The following DOCK9 variants were observed in gnomAD, a reference collection of about 807,000 sequenced individuals.
DOCK9 encodes dedicator of cytokinesis protein 9.
Under a neutral mutation model 263.3 loss-of-function variants are expected in DOCK9, and 89 were observed. The ratio of observed to expected loss-of-function variants is 0.34; its 90% CI spans 0.28 to 0.40. DOCK9 has a LOEUF of 0.40. Among genes scored for constraint, DOCK9 ranks in the 10% least tolerant of loss-of-function variants. DOCK9 has a pLI of 1.00. For synonymous variants in DOCK9, 976 were observed against 973.1 expected (o/e 1.00, Z -0.06); for missense variants, 2,140 against 2,603.4 (o/e 0.82, Z 3.87).
intron 41 of DOCK9, among the ~76,000 whole-genome samples, chr13:98,831,071 C>T (rs1454371345): frequency 2.0e-5 from 3 of 152,178 alleles, no homozygotes; most frequent in Non-Finnish European, 4.4e-5. Flanking sequence ...AGCATCCTCA[C>T]ATAGGTTCTA....
intron 1 of DOCK9, among the ~76,000 whole-genome samples, chr13:98,987,631 C>T (rs1878776242): frequency 6.6e-6 from 1 of 152,214 alleles, no homozygotes; most frequent in African/African-American, 2.4e-5. Context: ...ATAACTGCCA[C>T]AGGTGAGCAA....
At position 98,971,729 on chromosome 13, in the gene DOCK9, G is replaced by A. The variant is rs183874551; in HGVS notation, c.126+6055C>T. On this transcript the variant is annotated intron_variant, in intron 1 of 52. Transcript: ENST00000682017. ...TCTCAAAAAGAAAGGAAAATAGGGAGGAAAACGGGATGCCTGCAGATTCTT... is the reference window on the plus strand; with the variant it reads ...TCTCAAAAAGAAAGGAAAATAGGGAAGAAAACGGGATGCCTGCAGATTCTT... Among the ~76,000 whole-genome samples the A allele has an allele frequency of 4.2e-3, 639 of 152,190 alleles. 19 individuals are homozygous for A. Among genetic ancestry groups the A allele is most frequent in the East Asian group, 4.8e-3 (25 of 5,166 alleles).
chr13:99,079,204 G>A (rs762886118), intron 1 of DOCK9, among the ~76,000 whole-genome samples: 1 of 152,174 alleles, frequency 6.6e-6, no homozygotes, highest in Non-Finnish European at 1.5e-5. Flanking sequence ...GATCTCTATA[G>A]ACAAATAGCT....
Position 98,802,070 on chromosome 13 carries a change from T to C in DOCK9, c.5726-1592A>G, listed in dbSNP as rs181791041. ...TAGTCAGGGAGGCAGTGCTGGCAGA[T>C]GCCTGCTTGTATTTGGACAGGGGGC... is the stretch of plus-strand genomic sequence containing the variant. On this transcript the variant is annotated intron_variant, in intron 49 of 52. Coordinates refer to ENST00000682017, the MANE Select transcript of DOCK9 (RefSeq NM_001366683.2). 3.1e-3 allele frequency among the ~76,000 whole-genome samples: 466 copies of C among 152,314 alleles called. 3 individuals carry two copies. Among genetic ancestry groups the C allele is most frequent in the Non-Finnish European group, 5.6e-3 (384 of 68,022 alleles).
chr13:98,888,761 A>G (rs775728737), intron 15 of DOCK9, 50 bp from the exon 16 acceptor site: 1 of 1,481,340 alleles, frequency 6.8e-7, no homozygotes, highest in Non-Finnish European at 9.4e-7. Flanking sequence ...TAACTCTAAA[A>G]CCGACACTCT....
intron 1 of DOCK9, among the ~76,000 whole-genome samples, chr13:99,061,711 T>G (rs546311124): frequency 6.6e-6 from 1 of 152,222 alleles, no homozygotes; most frequent in East Asian, 1.9e-4. Context: ...CCAGGCGACC[T>G]TCCTTTTCCT....
At chr13:99,034,488 T>C (rs1230143818) in intron 1 of DOCK9, among the ~76,000 whole-genome samples, 1 of 152,242 alleles carries the variant, frequency 6.6e-6, no homozygotes, top group Non-Finnish European at 1.5e-5. Context: ...GTTCTGTCAG[T>C]TTCTGACTGT....
At chr13:99,071,586 G>C (rs534034054) in intron 1 of DOCK9, among the ~76,000 whole-genome samples, 1 of 152,184 alleles carries the variant, frequency 6.6e-6, no homozygotes, top group South Asian at 2.1e-4. Flanking sequence ...AGAGGATGAG[G>C]AGGGACTGGT....
chr13:98,817,649 A>AGT (rs2091973709), intron 45 of DOCK9, among the ~76,000 whole-genome samples: 1 of 151,906 alleles, frequency 6.6e-6, no homozygotes, highest in African/African-American at 2.4e-5. Context: ...ATTATAAATA[A>AGT]GTGAATAGTT....
intron 1 of DOCK9, among the ~76,000 whole-genome samples, chr13:98,966,308 G>A (rs1212600968): frequency 6.6e-6 from 1 of 152,246 alleles, no homozygotes; most frequent in Non-Finnish European, 1.5e-5. Flanking sequence ...GCCAGGAAGG[G>A]TAAAAGGGGA....
chr13:98,980,088 G>A (rs527549734), upstream of DOCK9, among the ~76,000 whole-genome samples: 44 of 152,204 alleles, frequency 2.9e-4, 1 homozygote, highest in Admixed American at 1.7e-3. Flanking sequence ...GCAGGGGCTC[G>A]ATCATGGCTC....
At chr13:98,832,877 G>A (rs1447172170) in intron 39 of DOCK9, 3 of 152,190 alleles carry the variant, frequency 2.0e-5, no homozygotes, top group African/African-American at 7.2e-5. Flanking sequence ...GGTAACTTAT[G>A]TCCATATAAT....
intron 45 of DOCK9, among the ~76,000 whole-genome samples, chr13:98,821,665 G>T (rs2092283265): frequency 6.6e-6 from 1 of 152,188 alleles, no homozygotes; most frequent in African/African-American, 2.4e-5. Context: ...ACAAAATTGT[G>T]AATAGGAATT....
intron 45 of DOCK9, among the ~76,000 whole-genome samples, chr13:98,813,044 A>G (rs190421978): frequency 4.6e-5 from 7 of 152,354 alleles, no homozygotes; most frequent in African/African-American, 7.2e-5. Flanking sequence ...ATCATGAACT[A>G]TACAGTAAAA....
Position 98,933,792 on chromosome 13 carries a change from C to A in DOCK9, c.244-3535G>T, listed in dbSNP as rs542174558. ...CCAAAAGGCACAGCCTGTCTCCCCT[C>A]TCCCTGAATCTGGGCTGGCTTTCAC... On this transcript the variant is annotated intron_variant, in intron 2 of 52. Transcript: ENST00000682017. Among the ~76,000 whole-genome samples the A allele has an allele frequency of 9.8e-5, 15 of 152,374 alleles. No homozygotes were observed. The South Asian group carries it at 2.7e-3, about 27-fold the overall frequency.
intron 1 of DOCK9, among the ~76,000 whole-genome samples, chr13:98,963,643 G>A (rs1460045030): frequency 6.6e-6 from 1 of 152,188 alleles, no homozygotes; most frequent in Non-Finnish European, 1.5e-5. Context: ...TTTAAGAAAT[G>A]AGAAATTCGT....
chr13:98,919,200 C>A (rs2051432672), intron 7 of DOCK9, among the ~76,000 whole-genome samples: 1 of 151,800 alleles, frequency 6.6e-6, no homozygotes, highest in Non-Finnish European at 1.5e-5. Flanking sequence ...ACCTCCGCCT[C>A]CCAGGTTCAA....
At chr13:99,030,001 C>A (rs4772169) in intron 1 of DOCK9, among the ~76,000 whole-genome samples, 95,593 of 152,090 alleles carry the variant, frequency 0.63, 30,517 homozygotes, top group East Asian at 0.9. Context: ...AGCACAGATA[C>A]ATCTCAAAAG....
At chr13:98,885,131 G>T (rs773264619) in intron 20 of DOCK9, 39 bp from the exon 21 acceptor site, 2 of 1,602,668 alleles carry the variant, frequency 1.2e-6, no homozygotes, top group African/African-American at 2.7e-5. Flanking sequence ...ACAGAACACT[G>T]TGAGTGTATG....
Sources: gnomAD v4.1 joint callset for allele counts (sites outside exome capture counted in the v4.1 genomes callset) on GRCh38, gnomAD v4.1.1 for gene constraint, MANE v1.5 for transcripts, NCBI Gene and HGNC (gene_info 2026-07-23, HGNC 2026-07-21) for gene names.